The following SAMSN1 variants were observed in gnomAD, a reference collection of about 807,000 sequenced individuals.
SAMSN1 encodes the protein SAM domain-containing protein SAMSN-1.
Under a neutral mutation model 42.0 loss-of-function variants are expected in SAMSN1, and 31 were observed. That is an observed-to-expected ratio of 0.74 (90% CI 0.55 to 1.00). The LOEUF is 1.00. Among genes scored for constraint, SAMSN1 ranks in the 50% least tolerant of loss-of-function variants. The probability of loss-of-function intolerance (pLI) is 0.00; values close to 1 mark genes in which losing one functional copy is unlikely to be tolerated. For missense variants in SAMSN1, 464 were observed against 439.4 expected, an observed-to-expected ratio of 1.06 and a Z score of -0.50; for synonymous variants, 178 against 151.9, an observed-to-expected ratio of 1.17 and a Z score of -1.26.
At position 14,647,213 on chromosome 21, in the gene SAMSN1, GT is replaced by G. The variant is rs965364974; in HGVS notation, c.25-4081del. ...AAAAGCACATATATATGGCTAGCCA[GT>G]TTTCCCAGCACCATTTATTAAATAG... On this transcript the variant is annotated intron_variant, in intron 1 of 15. Coordinates refer to the SAMSN1 transcript ENST00000647101. 6.8e-4 allele frequency among the ~76,000 whole-genome samples: 103 copies of G among 152,246 alleles called. No individual in the cohort carries two copies. In the Middle Eastern group the frequency reaches 0.01, roughly 15 times the overall value.
intron 1 of SAMSN1, among the ~76,000 whole-genome samples, chr21:14,649,405 C>T (rs1403272575): frequency 1.3e-5 from 2 of 151,406 alleles, no homozygotes; most frequent in Non-Finnish European, 2.9e-5. Context: ...CACATGTACC[C>T]TAAAACTTAA....
chr21:14,606,264 C>T (rs907633944), intron 5 of SAMSN1, among the ~76,000 whole-genome samples: 18 of 152,240 alleles, frequency 1.2e-4, no homozygotes, highest in Non-Finnish European at 2.5e-4. Context: ...TGCCATTTTT[C>T]CCCAGCTTTT....
chr21:14,535,741 A>T (rs912352551), intron 1 of SAMSN1, among the ~76,000 whole-genome samples: 1 of 152,226 alleles, frequency 6.6e-6, no homozygotes, highest in Non-Finnish European at 1.5e-5. Context: ...AGAGGCAATA[A>T]AAGGGCAGCC....
chr21:14,632,627 C>T (rs1983359789), intron 2 of SAMSN1, among the ~76,000 whole-genome samples: 1 of 152,014 alleles, frequency 6.6e-6, no homozygotes, highest in Non-Finnish European at 1.5e-5. Flanking sequence ...AATTTAATGG[C>T]TTAAAAAATA....
Position 14,615,981 on chromosome 21 carries a change from C to CT in SAMSN1, c.191dup (p.Arg65GlufsTer10). 1.0e-5 allele frequency: 6 copies of CT among 577,608 alleles called. No individual in the cohort carries two copies. The highest frequency in any genetic ancestry group is 6.8e-5 in the South Asian group (3 of 43,948). 35.8% of individuals were successfully genotyped at this position (577,608 alleles called of 1,614,324 possible). Reference sequence around the variant, plus strand: ...ACCAAGTAAATTTGACTTACTTTCTCTTTTTTGGTTTTGCATTCTCTAAAT... The same window carrying CT: ...ACCAAGTAAATTTGACTTACTTTCTCTTTTTTTGGTTTTGCATTCTCTAAAT... On this transcript the variant is annotated frameshift_variant, in exon 3 of 16. Transcript: ENST00000647101. LOFTEE classifies it high-confidence loss of function.
intron 7 of SAMSN1, chr21:14,593,879 A>G: frequency 1.8e-6 from 1 of 556,530 alleles, no homozygotes; most frequent in Non-Finnish European, 3.3e-6. Context: ...TATGTTCTTT[A>G]GAAACACTTC....
intron 2 of SAMSN1, among the ~76,000 whole-genome samples, chr21:14,575,403 T>G (rs1981428191): frequency 6.6e-6 from 1 of 152,156 alleles, no homozygotes; most frequent in African/African-American, 2.4e-5. Flanking sequence ...GTTTTGGCAT[T>G]TTTGCATCAC....
intron 1 of SAMSN1, among the ~76,000 whole-genome samples, chr21:14,651,670 C>T (rs1435343011): frequency 1.3e-5 from 2 of 151,844 alleles, no homozygotes; most frequent in Non-Finnish European, 2.9e-5. Flanking sequence ...ACTGGAAGTC[C>T]TAGCTAGAGA....
intron 1 of SAMSN1, among the ~76,000 whole-genome samples, chr21:14,536,722 A>G (rs1020420366): frequency 9.8e-5 from 15 of 152,322 alleles, no homozygotes; most frequent in Middle Eastern, 3.4e-3. Flanking sequence ...TGAGACATCA[A>G]TTTAGGGGTG....
Position 14,485,971 on chromosome 21 carries a change from C to A in SAMSN1, c.1063G>T (p.Glu355Ter). 4 of 1,613,764 alleles carry A rather than the reference C, an allele frequency of 2.5e-6. No homozygotes were observed. The highest frequency in any genetic ancestry group is 3.4e-6 in the Non-Finnish European group (4 of 1,179,760). ...ACCATGTCAGACAGATTTTCAGACT[C>A]CAGATCCTCTTTGCCATTATCTGAA... is the stretch of plus-strand genomic sequence containing the variant. ...GNSDNGKEDL[E>*]SENLSDMVHK... The change falls in exon 8 of 8, where the codon GAG (glutamate) becomes TAG (stop). Residue 355 changes from glutamate (E) to a stop codon, truncating the protein, a stop_gained. Transcript: ENST00000400566. LOFTEE classifies it high-confidence loss of function.
At chr21:14,530,180 G>C (rs1979155846) in intron 1 of SAMSN1, among the ~76,000 whole-genome samples, 2 of 151,986 alleles carry the variant, frequency 1.3e-5, no homozygotes, top group South Asian at 4.1e-4. Flanking sequence ...AGCCGGGCGT[G>C]GTGGCGGGTG....
intron 1 of SAMSN1, among the ~76,000 whole-genome samples, chr21:14,655,743 A>G (rs530606843): frequency 6.6e-6 from 1 of 151,826 alleles, no homozygotes; most frequent in Non-Finnish European, 1.5e-5. Context: ...AGGATGGCTG[A>G]TATCATAGCA....
intron 5 of SAMSN1, among the ~76,000 whole-genome samples, chr21:14,502,469 A>G (rs947312121): frequency 1.3e-5 from 2 of 152,186 alleles, no homozygotes; most frequent in African/African-American, 4.8e-5. Context: ...CATCAAGCAA[A>G]GACTCAATTT....
intron 2 of SAMSN1, among the ~76,000 whole-genome samples, chr21:14,628,384 C>A (rs1408741648): frequency 6.6e-6 from 1 of 151,890 alleles, no homozygotes; most frequent in Non-Finnish European, 1.5e-5. Context: ...ACTGTATACT[C>A]CCCAAATATG....
chr21:14,497,498 A>G (rs1986958881), intron 7 of SAMSN1, among the ~76,000 whole-genome samples: 1 of 152,164 alleles, frequency 6.6e-6, no homozygotes, highest in Non-Finnish European at 1.5e-5. Flanking sequence ...AGGCTGAGGC[A>G]TGAGAATCGC....
At position 14,635,302 on chromosome 21, in the gene SAMSN1, C is replaced by T. The variant is rs1983439849; in HGVS notation, c.156+7700G>A. On this transcript the variant is annotated intron_variant, in intron 2 of 15. Coordinates refer to the SAMSN1 transcript ENST00000647101. ...CCATGACACGCATATACCTATGTAACAACCCTGCATGTCCTGCACATGTAT... is the reference window on the plus strand; with the variant it reads ...CCATGACACGCATATACCTATGTAATAACCCTGCATGTCCTGCACATGTAT... Among the ~76,000 whole-genome samples the T allele has an allele frequency of 3.3e-5, 5 of 152,256 alleles. No homozygotes were observed. In the South Asian group the frequency reaches 1.0e-3, roughly 32 times the overall value.
intron 6 of SAMSN1, among the ~76,000 whole-genome samples, chr21:14,600,027 C>A (rs751311438): frequency 2.0e-5 from 3 of 152,090 alleles, no homozygotes; most frequent in Non-Finnish European, 4.4e-5. Context: ...TCCAGGTGAA[C>A]AGGAGTATGG....
chr21:14,582,087 G>A, intron 2 of SAMSN1: 1 of 1,461,650 alleles, frequency 6.8e-7, no homozygotes, highest in Non-Finnish European at 9.2e-7. Flanking sequence ...TTTCCCGACA[G>A]TACAAAACCC....
intron 1 of SAMSN1, among the ~76,000 whole-genome samples, chr21:14,644,459 C>G (rs1983672967): frequency 6.6e-6 from 1 of 152,040 alleles, no homozygotes. Context: ...GGGTTCAGTC[C>G]TGGCAGTATT....
Sources: gnomAD v4.1 joint callset for allele counts (sites outside exome capture counted in the v4.1 genomes callset) on GRCh38, gnomAD v4.1.1 for gene constraint, MANE v1.5 for transcripts, NCBI Gene and HGNC (gene_info 2026-07-23, HGNC 2026-07-21) for gene names.